CERK: variants seen among roughly 807,000 people sequenced by gnomAD.
The protein encoded by CERK is ceramide kinase.
Under a neutral mutation model 63.4 loss-of-function variants are expected in CERK, and 39 were observed. That is an observed-to-expected ratio of 0.61 (90% CI 0.48 to 0.80). The LOEUF (loss-of-function observed/expected upper bound fraction) is 0.80, where lower values mean the gene tolerates loss of function less well. CERK is among the 30% of genes least tolerant of loss of function. The probability of loss-of-function intolerance (pLI) is 0.00; values close to 1 mark genes in which losing one functional copy is unlikely to be tolerated. For synonymous variants in CERK, 302 were observed against 280.0 expected (o/e 1.08, Z -0.78); for missense variants, 670 against 714.1 (o/e 0.94, Z 0.70).
intron 3 of CERK, among the ~76,000 whole-genome samples, chr22:46,717,213 G>A (rs1358001914): frequency 6.6e-6 from 1 of 152,192 alleles, no homozygotes. Flanking sequence ...TGGAATGCAG[G>A]CTGGCAGCGT....
intron 9 of CERK, among the ~76,000 whole-genome samples, 158 bp downstream of exon 9, chr22:46,695,052 G>A (rs111465527): frequency 1.3e-5 from 2 of 152,214 alleles, no homozygotes; most frequent in South Asian, 2.1e-4. Context: ...CCCCATGCAC[G>A]CCTAGGCCAT....
intron 3 of CERK, among the ~76,000 whole-genome samples, chr22:46,713,321 G>C (rs1004080935): frequency 6.6e-6 from 1 of 151,116 alleles, no homozygotes; most frequent in Non-Finnish European, 1.5e-5. Context: ...TGGCTAACAC[G>C]GTGAAATCCC....
At chr22:46,707,010 A>G (rs85598) in intron 6 of CERK, among the ~76,000 whole-genome samples, 104,911 of 151,774 alleles carry the variant, frequency 0.69, 37,262 homozygotes, top group African/African-American at 0.83. Flanking sequence ...CGTGAGGGCT[A>G]GCCTTTCCCT....
At chr22:46,695,813 C>A (rs2082753311) in intron 8 of CERK, among the ~76,000 whole-genome samples, 1 of 152,140 alleles carries the variant, frequency 6.6e-6, no homozygotes, top group South Asian at 2.1e-4. Flanking sequence ...TCTGGGGCCA[C>A]CCTCCAGGCA....
At chr22:46,732,603 A>G (rs1227246945) in intron 1 of CERK, among the ~76,000 whole-genome samples, 1 of 136,996 alleles carries the variant, frequency 7.3e-6, no homozygotes, top group African/African-American at 2.7e-5. Flanking sequence ...TTTTTTTTTT[A>G]CAGTTTGAAA....
chr22:46,699,992 G>A (rs916719255), intron 7 of CERK, among the ~76,000 whole-genome samples: 6 of 152,224 alleles, frequency 3.9e-5, no homozygotes, highest in African/African-American at 9.6e-5. Flanking sequence ...GCGAGGCTCA[G>A]GCAGGAGAAT....
rs769872308 is a variant in CERK at position 46,712,285 on chromosome 22, G to T, written c.388C>A (p.Pro130Thr). ...TTGATAAATACCAGTAAATGCTTTG[G>T]TCTGGACGCTGTAAGACAACAACAT... Reference protein sequence around the residue: ...REMLEKLTSRPKHLLVFINPF... With the variant: ...REMLEKLTSRTKHLLVFINPF... The change falls in exon 4 of 13, where the codon CCA becomes ACA. Residue 130 changes from proline to threonine, a missense_variant. Coordinates refer to ENST00000216264, the MANE Select transcript of CERK (RefSeq NM_022766.6). The T allele has an allele frequency of 6.2e-7, 1 of 1,613,962 alleles. No homozygotes were observed. Among genetic ancestry groups the T allele is most frequent in the Non-Finnish European group, 8.5e-7 (1 of 1,179,876 alleles).
At chr22:46,709,483 A>G (rs1023053145) in intron 5 of CERK, among the ~76,000 whole-genome samples, 14 of 152,068 alleles carry the variant, frequency 9.2e-5, no homozygotes, top group African/African-American at 2.9e-4. Context: ...TGAACAGAAC[A>G]CTCCCGCATT....
At chr22:46,720,874 T>G (rs570576186) in intron 2 of CERK, 28 bp downstream of exon 2, 6 of 1,339,960 alleles carry the variant, frequency 4.5e-6, no homozygotes, top group Non-Finnish European at 4.3e-6. Flanking sequence ...TAATGAAGAA[T>G]GTGGGAGAAG....
chr22:46,689,597 C>T (rs1042868921), intron 12 of CERK, among the ~76,000 whole-genome samples: 1 of 152,136 alleles, frequency 6.6e-6, no homozygotes. Context: ...TGGTCTTGAA[C>T]TCCTGATCTC....
At chr22:46,731,186 C>G (rs1039603940) in intron 1 of CERK, among the ~76,000 whole-genome samples, 1 of 152,268 alleles carries the variant, frequency 6.6e-6, no homozygotes, top group African/African-American at 2.4e-5. Flanking sequence ...CCCGGGCCCC[C>G]ACCCTGCACT....
chr22:46,724,919 G>A (rs542058898), intron 1 of CERK, among the ~76,000 whole-genome samples: 1 of 152,296 alleles, frequency 6.6e-6, no homozygotes, highest in South Asian at 2.1e-4. Flanking sequence ...TACTCAGGAG[G>A]CTGAGGCAGG....
At chr22:46,733,404 G>A (rs193233035) in intron 1 of CERK, among the ~76,000 whole-genome samples, 1 of 150,630 alleles carries the variant, frequency 6.6e-6, no homozygotes, top group African/African-American at 2.4e-5. Flanking sequence ...AGAGATTCTC[G>A]TGCCTCAGCC....
intron 4 of CERK, 54 bp from the exon 5 acceptor site, chr22:46,711,203 G>A (rs776681637): frequency 7.7e-5 from 102 of 1,324,698 alleles, no homozygotes; most frequent in Admixed American, 2.1e-4. Context: ...GAGTCCTCAC[G>A]TAAAAGGCAA....
At chr22:46,702,049 C>T (rs2082787515) in intron 6 of CERK, among the ~76,000 whole-genome samples, 1 of 151,686 alleles carries the variant, frequency 6.6e-6, no homozygotes, top group Admixed American at 6.6e-5. Context: ...GGCGTGGTGG[C>T]ATGCACCTAT....
At chr22:46,729,534 G>C (rs1223411184) in intron 1 of CERK, among the ~76,000 whole-genome samples, 1 of 151,922 alleles carries the variant, frequency 6.6e-6, no homozygotes, top group African/African-American at 2.4e-5. Context: ...CCAGCCTCCT[G>C]AGTAGCTGGG....
At chr22:46,707,783 G>T (rs2082820315) in intron 6 of CERK, 60 bp downstream of exon 6, 2 of 1,546,394 alleles carry the variant, frequency 1.3e-6, no homozygotes, top group Admixed American at 3.8e-5. Flanking sequence ...GGCTACTTGT[G>T]CAGAACAATT....
chr22:46,688,449 C>G (rs891441177), intron 12 of CERK, among the ~76,000 whole-genome samples: 2 of 152,244 alleles, frequency 1.3e-5, no homozygotes, highest in African/African-American at 4.8e-5. Context: ...TCCCTGTGCA[C>G]GGCTGCCTGG....
At chr22:46,718,055 A>G (rs6007959) in intron 3 of CERK, among the ~76,000 whole-genome samples, 20,644 of 152,080 alleles carry the variant, frequency 0.14, 1,843 homozygotes, top group African/African-American at 0.25. Flanking sequence ...TCCAGCCCGG[A>G]TGATGGAGTG....
Sources: gnomAD v4.1 joint callset for allele counts (sites outside exome capture counted in the v4.1 genomes callset) on GRCh38, gnomAD v4.1.1 for gene constraint, MANE v1.5 for transcripts, NCBI Gene and HGNC (gene_info 2026-07-23, HGNC 2026-07-21) for gene names.